ZNF106: variants seen among roughly 807,000 people sequenced by gnomAD.
The protein encoded by ZNF106 is SH3-domain binding protein 3.
In ZNF106, 67 loss-of-function variants were observed where a neutral mutation model predicts 195.1. That is an observed-to-expected ratio of 0.34 (90% CI 0.28 to 0.42). The LOEUF (loss-of-function observed/expected upper bound fraction) is 0.42. ZNF106 is among the 10% of genes least tolerant of loss of function. The pLI, the probability that ZNF106 is intolerant of heterozygous loss-of-function variation, is 1.00. For missense variants in ZNF106, 2,118 were observed against 2,304.5 expected, an observed-to-expected ratio of 0.92 and a Z score of 1.66; for synonymous variants, 784 against 818.6, an observed-to-expected ratio of 0.96 and a Z score of 0.72.
Position 42,448,640 on chromosome 15 carries a change from G to C in ZNF106, c.2567C>G (p.Pro856Arg). The C allele has an allele frequency of 6.2e-7, 1 of 1,613,468 alleles. No individual in the cohort carries two copies. Among genetic ancestry groups the C allele is most frequent in the Non-Finnish European group, 8.5e-7 (1 of 1,179,968 alleles). ...GAATCCTTCTAGACTGGACAGATCA[G>C]GTTCCCCATCCAAATCTAAGGCTTC... ...EQEALDLDGE[P>R]DLSSLEGFQW... Residue 856 changes from proline to arginine, a missense_variant, in exon 6 of 22, where the codon CCT becomes CGT. Physicochemically the swap from Pro to Arg is moderately radical, Grantham distance 103. Transcript: ENST00000564754.
intron 4 of ZNF106, among the ~76,000 whole-genome samples, chr15:42,452,666 T>C (rs1454225582): frequency 1.3e-5 from 2 of 151,638 alleles, no homozygotes. Context: ...AAGTATATTT[T>C]ATAGCTATAG....
intron 1 of ZNF106, among the ~76,000 whole-genome samples, chr15:42,483,118 A>G (rs888300062): frequency 2.0e-5 from 3 of 152,182 alleles, no homozygotes; most frequent in African/African-American, 7.2e-5. Flanking sequence ...AAAATGGGAA[A>G]TTACTCCAAG....
intron 1 of ZNF106, among the ~76,000 whole-genome samples, chr15:42,478,991 T>A (rs2056843754): frequency 6.6e-6 from 1 of 152,238 alleles, no homozygotes; most frequent in South Asian, 2.1e-4. Flanking sequence ...ATTTCTCTTG[T>A]GATTTCTTCT....
intron 2 of ZNF106, among the ~76,000 whole-genome samples, chr15:42,468,792 C>G (rs1043748912): frequency 5.9e-5 from 9 of 151,956 alleles, no homozygotes; most frequent in Non-Finnish European, 1.0e-4. Flanking sequence ...TACACATGAC[C>G]TCTTCTAGCC....
chr15:42,441,719 G>A (rs2055542763), intron 10 of ZNF106: 1 of 167,914 alleles, frequency 6.0e-6, no homozygotes, highest in Non-Finnish European at 1.3e-5. Context: ...TAAGTGCAAA[G>A]AAATTCAGAG....
chr15:42,476,804 G>T (rs1342535015), intron 1 of ZNF106, among the ~76,000 whole-genome samples: 2 of 152,036 alleles, frequency 1.3e-5, no homozygotes, highest in Admixed American at 1.3e-4. Flanking sequence ...CCTGCGAACC[G>T]CAAACCTGTG....
At chr15:42,445,472 AT>A (rs781641822) in intron 7 of ZNF106, among the ~76,000 whole-genome samples, 19 of 152,208 alleles carry the variant, frequency 1.2e-4, no homozygotes, top group Non-Finnish European at 2.6e-4. Flanking sequence ...GAAATAGTAC[AT>A]TTAACTTAGT....
chr15:42,448,517 T>C lies in ZNF106; in HGVS notation c.2690A>G (p.Tyr897Cys). The change falls in exon 6 of 22, where the codon TAT (tyrosine) becomes TGT (cysteine). Residue 897 changes from tyrosine (Y) to cysteine (C), a missense_variant. Physicochemically the swap from Tyr to Cys is radical, Grantham distance 194 (BLOSUM62 -2). Coordinates refer to ENST00000564754, the MANE Select transcript of ZNF106 (RefSeq NM_001366845.3). ...SVIMDRAPSV[Y>C]SFFSEEGTGK... is the part of the protein sequence containing the mutation. ...TGTACCTTCCTCACTGAAGAAGCTATACACAGAAGGAGCTCTGTCCATGAT... is the reference window on the plus strand; with the variant it reads ...TGTACCTTCCTCACTGAAGAAGCTACACACAGAAGGAGCTCTGTCCATGAT... 3 of 1,614,120 alleles carry C rather than the reference T, an allele frequency of 1.9e-6. No homozygotes were observed. Among genetic ancestry groups the C allele is most frequent in the Non-Finnish European group, 2.5e-6 (3 of 1,180,028 alleles).
At chr15:42,432,217 G>A (rs150446998) in intron 14 of ZNF106, among the ~76,000 whole-genome samples, 61 of 152,138 alleles carry the variant, frequency 4.0e-4, no homozygotes, top group African/African-American at 1.4e-3. Context: ...GGAGTGCAGT[G>A]GCATTGTCAT....
Position 42,448,450 on chromosome 15 carries a change from G to A in ZNF106, c.2757C>T (p.Asn919=). The A allele has an allele frequency of 6.2e-7, 1 of 1,614,142 alleles. No individual in the cohort carries two copies. Residue 919 remains asparagine, a synonymous_variant, in exon 6 of 22, where the codon AAC becomes AAT. Coordinates refer to ENST00000564754, the MANE Select transcript of ZNF106 (RefSeq NM_001366845.3). ...NEPQQMVSPS[N]SLRAGQSQKA... is the part of the protein sequence containing the mutation. ...TCTGGCTCTGTCCAGCCCTCAATGAGTTACTAGGTGAAACCATCTGCTGGG... is the reference window on the plus strand; with the variant it reads ...TCTGGCTCTGTCCAGCCCTCAATGAATTACTAGGTGAAACCATCTGCTGGG...
chr15:42,441,869 T>C (rs2055547283), intron 10 of ZNF106: 4 of 416,238 alleles, frequency 9.6e-6, no homozygotes, highest in Non-Finnish European at 1.3e-5. Flanking sequence ...TTAGAGGAAA[T>C]GAAAGAAAAT....
chr15:42,463,604 C>CA (rs1004958277), intron 3 of ZNF106, among the ~76,000 whole-genome samples: 9 of 152,090 alleles, frequency 5.9e-5, no homozygotes, highest in Non-Finnish European at 1.2e-4. Context: ...AAATGAAAGA[C>CA]AGAGAGGAAC....
In ZNF106 at chr15:42,450,918, C is replaced by T. The variant is rs1326611370; in HGVS notation, c.1354G>A (p.Val452Met). The change falls in exon 5 of 22, where the codon GTG becomes ATG. Residue 452 changes from valine to methionine, a missense_variant. Coordinates refer to ENST00000564754, the MANE Select transcript of ZNF106 (RefSeq NM_001366845.3). Reference sequence around the variant, plus strand: ...TTTTCTGCAGTGGGGCACTGTCTCACCACCTCGAAGGAAGCAGCGGAATCA... The same window carrying T: ...TTTTCTGCAGTGGGGCACTGTCTCATCACCTCGAAGGAAGCAGCGGAATCA... ...SSDSAASFEV[V>M]RQCPTAEKPE... 6.2e-7 allele frequency: 1 copy of T among 1,614,034 alleles called. No individual in the cohort carries two copies. The highest frequency in any genetic ancestry group is 1.3e-5 in the African/African-American group (1 of 74,902).
chr15:42,444,136 AAAGCAGAG>A, intron 9 of ZNF106, 58 bp downstream of exon 9: 4 of 994,428 alleles, frequency 4.0e-6, no homozygotes, highest in Non-Finnish European at 4.4e-6. Context: ...AAAAAAAAAA[AAAGCAGAG>A]AAAACAAAAA....
intron 3 of ZNF106, among the ~76,000 whole-genome samples, chr15:42,465,450 C>A (rs567556554): frequency 4.6e-5 from 7 of 151,634 alleles, no homozygotes; most frequent in Non-Finnish European, 7.4e-5. Flanking sequence ...CACCTAATTT[C>A]TTTATTTGTA....
In ZNF106 at chr15:42,471,018, G is replaced by A. The variant is rs184788490; in HGVS notation, c.54+1218C>T. Among the ~76,000 whole-genome samples, 229 of 152,188 alleles carry A rather than the reference G, an allele frequency of 1.5e-3. 2 individuals are homozygous for A. The highest frequency in any genetic ancestry group is 4.5e-3 in the African/African-American group (187 of 41,510). On this transcript the variant is annotated intron_variant, in intron 2 of 21. Transcript: ENST00000564754. ...TGGATCATAATCGACCCTTCAGTCTGGCATCCAACACTGTTTATCAACTAT... is the reference window on the plus strand; with the variant it reads ...TGGATCATAATCGACCCTTCAGTCTAGCATCCAACACTGTTTATCAACTAT...
At position 42,414,449 on chromosome 15, in the gene ZNF106, A is replaced by G. The variant is rs1477686138; in HGVS notation, c.*2855T>C. On this transcript the variant is annotated 3_prime_UTR_variant, in exon 22 of 22. Transcript: ENST00000564754. ...AAGGCATACTGCCACTGCTTCAAAAAAAGCCTTTGTGAAATGAAGAAAAAT... is the reference window on the plus strand; with the variant it reads ...AAGGCATACTGCCACTGCTTCAAAAGAAGCCTTTGTGAAATGAAGAAAAAT... 1 of 152,268 alleles carries G rather than the reference A, an allele frequency of 6.6e-6. No individual in the cohort carries two copies. The highest frequency in any genetic ancestry group is 2.4e-5 in the African/African-American group (1 of 41,472). The allele number at this position is 152,268 out of a possible 1,614,324, so 9.4% of individuals were successfully genotyped here. A position where few individuals can be genotyped will look rare whatever the true frequency, so the allele number is the denominator to read the frequency against.
At position 42,446,589 on chromosome 15, in the gene ZNF106, C is replaced by T; in HGVS notation, c.3205G>A (p.Glu1069Lys). ...TCTTCCAAAATATTCTGCACCATACCTTTTTTTCCTTTAATTTTCCTTCTT... is the reference window on the plus strand; with the variant it reads ...TCTTCCAAAATATTCTGCACCATACTTTTTTTTCCTTTAATTTTCCTTCTT... ...NKRRKIKGKK[E>K]RSQVDQLLNI... Residue 1069 changes from glutamate to lysine, a missense_variant and splice_region_variant, in exon 7 of 22, where the codon GAA (glutamate) becomes AAA (lysine). By Grantham distance (56) the Glu-to-Lys change is moderately conservative (BLOSUM62 1). Coordinates refer to ENST00000564754, the MANE Select transcript of ZNF106 (RefSeq NM_001366845.3). The T allele has an allele frequency of 6.3e-7, 1 of 1,590,476 alleles. No individual in the cohort carries two copies.
chr15:42,448,207 TCC>T lies in ZNF106; in HGVS notation c.2998_2999del (p.Gly1000LysfsTer23). On this transcript the variant is annotated frameshift_variant, in exon 6 of 22. Coordinates refer to ENST00000564754, the MANE Select transcript of ZNF106 (RefSeq NM_001366845.3). LOFTEE classifies it high-confidence loss of function. ...AGGATGCGCTTGATGACAGACAGTT[TCC>T]CTCTCCATTACTCTCCTGGGAATTC... ...NQNSQESNGEGNCLSSSASSA... is the reference protein window; with the variant it reads ...NQNSQESNGEXNCLSSSASSA... The T allele has an allele frequency of 6.2e-7, 1 of 1,614,144 alleles. No individual in the cohort carries two copies. Among genetic ancestry groups the T allele is most frequent in the Non-Finnish European group, 8.5e-7 (1 of 1,180,018 alleles).
Sources: gnomAD v4.1 joint callset for allele counts (sites outside exome capture counted in the v4.1 genomes callset) on GRCh38, gnomAD v4.1.1 for gene constraint, MANE v1.5 for transcripts, NCBI Gene and HGNC (gene_info 2026-07-23, HGNC 2026-07-21) for gene names.